Variants in CNTNAP2 observed in about 807,000 individuals in gnomAD.
The protein encoded by CNTNAP2 is contactin-associated protein-like 2.
In CNTNAP2, 98 loss-of-function variants were observed where a neutral mutation model predicts 155.2. The observed-to-expected ratio is 0.63, with a 90% confidence interval of 0.54 to 0.75. The LOEUF (loss-of-function observed/expected upper bound fraction) is 0.75. CNTNAP2 is among the 30% of genes least tolerant of loss of function. The pLI is 0.00. For synonymous variants in CNTNAP2, 651 were observed against 631.2 expected (o/e 1.03, Z -0.47); for missense variants, 1,727 against 1,688.1 (o/e 1.02, Z -0.40).
At chr7:147,777,505 G>A (rs1007427348) in intron 13 of CNTNAP2, among the ~76,000 whole-genome samples, 1 of 152,230 alleles carries the variant, frequency 6.6e-6, no homozygotes, top group African/African-American at 2.4e-5. Context: ...CCCCTGTTGA[G>A]GCCCCTACTT....
chr7:146,754,558 C>CTG (rs1801961582), intron 1 of CNTNAP2, among the ~76,000 whole-genome samples: 1 of 141,880 alleles, frequency 7.0e-6, no homozygotes, highest in Non-Finnish European at 1.6e-5. Flanking sequence ...CTCTCTGTCT[C>CTG]TCTCTCTCTC....
intron 1 of CNTNAP2, among the ~76,000 whole-genome samples, chr7:146,759,146 A>G (rs1480518820): frequency 6.6e-6 from 1 of 152,148 alleles, no homozygotes; most frequent in African/African-American, 2.4e-5. Flanking sequence ...AACATTATCA[A>G]TACTATATGT....
intron 13 of CNTNAP2, among the ~76,000 whole-genome samples, chr7:147,786,552 C>T (rs1332461109): frequency 6.6e-6 from 1 of 152,144 alleles, no homozygotes; most frequent in Non-Finnish European, 1.5e-5. Context: ...GAGGCAGCCA[C>T]CCTTTGAAAA....
intron 12 of CNTNAP2, among the ~76,000 whole-genome samples, chr7:147,596,218 C>T (rs990677571): frequency 1.3e-5 from 2 of 152,128 alleles, no homozygotes; most frequent in African/African-American, 2.4e-5. Flanking sequence ...CATACACACT[C>T]GTCTCTCTTT....
intron 1 of CNTNAP2, among the ~76,000 whole-genome samples, chr7:146,390,821 C>A (rs1196358445): frequency 3.6e-5 from 5 of 138,600 alleles, no homozygotes; most frequent in Admixed American, 3.2e-4. Flanking sequence ...GTAATCCCAG[C>A]ACTTTGGGAG....
At chr7:146,957,951 T>C (rs950185853) in intron 3 of CNTNAP2, among the ~76,000 whole-genome samples, 1 of 152,194 alleles carries the variant, frequency 6.6e-6, no homozygotes, top group African/African-American at 2.4e-5. Context: ...TCAATGAAAC[T>C]ATCAAGAATG....
At chr7:147,407,110 A>C (rs911690781) in intron 10 of CNTNAP2, among the ~76,000 whole-genome samples, 1 of 152,172 alleles carries the variant, frequency 6.6e-6, no homozygotes, top group Non-Finnish European at 1.5e-5. Flanking sequence ...TGCTTTTTTA[A>C]AACACTTCAG....
intron 20 of CNTNAP2, among the ~76,000 whole-genome samples, chr7:148,234,246 TC>T (rs1403622342): frequency 6.6e-6 from 1 of 152,136 alleles, no homozygotes; most frequent in African/African-American, 2.4e-5. Flanking sequence ...CCGTCATACT[TC>T]AAAGTGTACA....
intron 1 of CNTNAP2, among the ~76,000 whole-genome samples, chr7:146,645,127 C>T (rs1188049334): frequency 6.6e-6 from 1 of 152,150 alleles, no homozygotes; most frequent in Non-Finnish European, 1.5e-5. Context: ...TTGAAGGATG[C>T]ACTGATATGT....
chr7:147,582,918 CA>C (rs1800533387), intron 12 of CNTNAP2, among the ~76,000 whole-genome samples: 1 of 152,120 alleles, frequency 6.6e-6, no homozygotes, highest in African/African-American at 2.4e-5. Context: ...CCTATTTAAT[CA>C]TTATTGTGAT....
chr7:147,164,745 C>T (rs766443751), intron 8 of CNTNAP2, among the ~76,000 whole-genome samples: 18 of 152,106 alleles, frequency 1.2e-4, no homozygotes, highest in East Asian at 1.9e-4. Context: ...TCTAAATATG[C>T]GCTTTTCAAA....
rs377023111 is a variant in CNTNAP2, at chr7:146,913,790, G to A, written c.402+73886G>A. On this transcript the variant is annotated intron_variant, in intron 3 of 23. Coordinates refer to ENST00000361727, the MANE Select transcript of CNTNAP2 (RefSeq NM_014141.6). ...TTTTCAATAGGTTTTTGGGGAACAG[G>A]TGGTGTTTGGTGACATGAACAAGTT... 6.1e-4 allele frequency among the ~76,000 whole-genome samples: 92 copies of A among 152,014 alleles called. No homozygotes were observed. The East Asian group carries it at 7.9e-3, about 13-fold the overall frequency.
intron 1 of CNTNAP2, among the ~76,000 whole-genome samples, chr7:146,483,671 T>G (rs937284432): frequency 6.6e-6 from 1 of 151,662 alleles, no homozygotes; most frequent in Non-Finnish European, 1.5e-5. Context: ...TGTCTTATTT[T>G]TTACAAAAAC....
At chr7:146,571,141 C>G (rs532085685) in intron 1 of CNTNAP2, among the ~76,000 whole-genome samples, 2 of 152,088 alleles carry the variant, frequency 1.3e-5, no homozygotes, top group African/African-American at 4.8e-5. Flanking sequence ...CTCATCGGCT[C>G]TATTAGACTT....
At chr7:146,633,839 A>AAAAAAAAAAAAAAAAAAAAAAAC (rs1799551531) in intron 1 of CNTNAP2, among the ~76,000 whole-genome samples, 1 of 60,322 alleles carries the variant, frequency 1.7e-5, no homozygotes, top group African/African-American at 4.8e-5. Context: ...AGAGAAAAAA[A>AAAAAAAAAAAAAAAAAAAAAAAC]AAAAAAAAAA....
chr7:147,090,610 T>C (rs2129272827), intron 4 of CNTNAP2, among the ~76,000 whole-genome samples: 1 of 152,276 alleles, frequency 6.6e-6, no homozygotes, highest in South Asian at 2.1e-4. Flanking sequence ...TCTTTTAGCA[T>C]TATCAAGCAA....
At chr7:147,954,831 T>C (rs1800992359) in intron 14 of CNTNAP2, among the ~76,000 whole-genome samples, 2 of 152,216 alleles carry the variant, frequency 1.3e-5, no homozygotes, top group Non-Finnish European at 2.9e-5. Context: ...AAGCTTTTAT[T>C]CATGGGAATT....
intron 8 of CNTNAP2, among the ~76,000 whole-genome samples, chr7:147,286,044 G>A (rs565856833): frequency 6.6e-6 from 1 of 152,052 alleles, no homozygotes; most frequent in African/African-American, 2.4e-5. Context: ...AGACCATACA[G>A]TTGGGCAAAC....
intron 1 of CNTNAP2, among the ~76,000 whole-genome samples, chr7:146,123,225 G>A (rs1584759925): frequency 6.6e-6 from 1 of 152,128 alleles, no homozygotes; most frequent in Non-Finnish European, 1.5e-5. Flanking sequence ...TATTTACCTT[G>A]TGATTTAGGT....
Sources: gnomAD v4.1 joint callset for allele counts (sites outside exome capture counted in the v4.1 genomes callset) on GRCh38, gnomAD v4.1.1 for gene constraint, MANE v1.5 for transcripts, NCBI Gene and HGNC (gene_info 2026-07-23, HGNC 2026-07-21) for gene names.